The following TFEC variants were observed in gnomAD, a reference collection of about 807,000 sequenced individuals.
The protein encoded by TFEC is class E basic helix-loop-helix protein 34.
In TFEC, 31 loss-of-function variants were observed where a neutral mutation model predicts 41.6. The ratio of observed to expected loss-of-function variants is 0.74; its 90% CI spans 0.56 to 1.01. The LOEUF (loss-of-function observed/expected upper bound fraction) is 1.01. Among genes scored for constraint, TFEC ranks in the 50% least tolerant of loss-of-function variants. TFEC has a pLI of 0.00. For missense variants in TFEC, 402 were observed against 404.1 expected (o/e 0.99, Z 0.04); for synonymous variants, 143 against 140.6 (o/e 1.02, Z -0.12).
intron 3 of TFEC, among the ~76,000 whole-genome samples, chr7:116,070,643 C>T (rs1796805544): frequency 6.6e-6 from 1 of 151,362 alleles, no homozygotes; most frequent in Non-Finnish European, 1.5e-5. Flanking sequence ...GAAATGTTCT[C>T]TTTTAATATA....
chr7:116,011,199 A>G (rs1255840885), intron 1 of TFEC, among the ~76,000 whole-genome samples: 1 of 152,192 alleles, frequency 6.6e-6, no homozygotes, highest in Non-Finnish European at 1.5e-5. Flanking sequence ...GCACCATATT[A>G]CTTTTCTAAA....
chr7:116,088,217 TGGA>T (rs1797244142), intron 3 of TFEC, among the ~76,000 whole-genome samples: 1 of 152,132 alleles, frequency 6.6e-6, no homozygotes, highest in Non-Finnish European at 1.5e-5. Context: ...AAGAGTGGAT[TGGA>T]CAACCACCCA....
In TFEC at chr7:116,151,659, T is replaced by G. The variant is rs183617795; in HGVS notation, c.-69+8131A>C. On this transcript the variant is annotated intron_variant, in intron 1 of 8. Coordinates refer to the TFEC transcript ENST00000484212. ...ATGAGAACTTGTTACAATGGAATTTTTTTTTTCATTCAACAGGACAAATAT... is the reference window on the plus strand; with the variant it reads ...ATGAGAACTTGTTACAATGGAATTTGTTTTTTCATTCAACAGGACAAATAT... Among the ~76,000 whole-genome samples the G allele has an allele frequency of 1.4e-4, 22 of 152,274 alleles. No homozygotes were observed. The East Asian group carries it at 3.5e-3, about 24-fold the overall frequency.
chr7:116,154,007 G>A (rs966767966), intron 1 of TFEC, among the ~76,000 whole-genome samples: 6 of 152,214 alleles, frequency 3.9e-5, no homozygotes, highest in African/African-American at 1.4e-4. Flanking sequence ...GGGATTAGAT[G>A]AAATTGTAAG....
chr7:115,985,187 A>G (rs1167444529), intron 1 of TFEC, among the ~76,000 whole-genome samples: 1 of 152,140 alleles, frequency 6.6e-6, no homozygotes, highest in Admixed American at 6.5e-5. Context: ...TCAGAAAAAA[A>G]TCTAACGATT....
chr7:116,123,681 T>C (rs1798153948), intron 1 of TFEC, among the ~76,000 whole-genome samples: 1 of 152,072 alleles, frequency 6.6e-6, no homozygotes, highest in African/African-American at 2.4e-5. Flanking sequence ...CAAACACAAC[T>C]GCCCTTTTTA....
chr7:115,992,429 G>A (rs929451956), intron 1 of TFEC, among the ~76,000 whole-genome samples: 9 of 152,022 alleles, frequency 5.9e-5, no homozygotes, highest in East Asian at 1.9e-4. Context: ...CTGGTGTTTC[G>A]AAAAGATCAA....
intron 1 of TFEC, among the ~76,000 whole-genome samples, chr7:116,153,070 G>A (rs1798794550): frequency 6.6e-6 from 1 of 152,134 alleles, no homozygotes; most frequent in Non-Finnish European, 1.5e-5. Context: ...CTAAGTTATA[G>A]AGGAAGAAAG....
intron 1 of TFEC, among the ~76,000 whole-genome samples, chr7:116,141,922 G>T (rs1223240138): frequency 1.3e-5 from 2 of 152,196 alleles, no homozygotes; most frequent in Non-Finnish European, 2.9e-5. Context: ...AGGAGGGAAA[G>T]ATATTTGGTC....
chr7:116,006,180 G>A (rs12673999), intron 1 of TFEC, among the ~76,000 whole-genome samples: 15,391 of 152,208 alleles, frequency 0.1, 1,136 homozygotes, highest in East Asian at 0.38. Flanking sequence ...AGTCCCTACT[G>A]GACCACTGCT....
Position 116,082,269 on chromosome 7 carries a change from C to CA in TFEC, c.198+28438dup, listed in dbSNP as rs141823432. Reference sequence around the variant, plus strand: ...TTTAGCACTGAAAAGCAAATTCTCCCAGTGCCTGCCTCACTCCCAAATTCA... The same window carrying CA: ...TTTAGCACTGAAAAGCAAATTCTCCCAAGTGCCTGCCTCACTCCCAAATTCA... On this transcript the variant is annotated intron_variant, in intron 3 of 8. Coordinates refer to the TFEC transcript ENST00000484212. Among the ~76,000 whole-genome samples the CA allele has an allele frequency of 9.9e-3, 1,507 of 152,038 alleles. 32 individuals are homozygous for CA. The highest frequency in any genetic ancestry group is 0.035 in the African/African-American group (1,444 of 41,512).
chr7:116,041,162 C>T (rs1796028859), intron 3 of TFEC, among the ~76,000 whole-genome samples: 1 of 152,050 alleles, frequency 6.6e-6, no homozygotes, highest in South Asian at 2.1e-4. Context: ...ATACTAATTA[C>T]ACTGGGTGTA....
rs144629833 is a variant in TFEC at position 116,045,993 on chromosome 7, T to G, written c.199-61480A>C. On this transcript the variant is annotated intron_variant, in intron 3 of 8. Coordinates refer to the TFEC transcript ENST00000484212. ...GATGGGCCCTGTAACCCCTTTGTTT[T>G]GGCCAATTTCTCCCATTTGGAATGG... 8.5e-5 allele frequency among the ~76,000 whole-genome samples: 13 copies of G among 152,362 alleles called. No individual in the cohort carries two copies. The East Asian group carries it at 2.1e-3, about 25-fold the overall frequency.
At chr7:115,999,844 C>CAAAAAAAAAA (rs71137145) in intron 1 of TFEC, among the ~76,000 whole-genome samples, 1 of 131,216 alleles carries the variant, frequency 7.6e-6, no homozygotes. Context: ...AGTCTCCTAG[C>CAAAAAAAAAA]AAAAAAAAAA....
chr7:116,137,573 T>C (rs1407333532), intron 1 of TFEC, among the ~76,000 whole-genome samples: 1 of 152,132 alleles, frequency 6.6e-6, no homozygotes, highest in Non-Finnish European at 1.5e-5. Context: ...TACAAGTTAT[T>C]AAGATGATTA....
chr7:115,973,076 A>G (rs1793207734), intron 3 of TFEC, among the ~76,000 whole-genome samples: 1 of 151,136 alleles, frequency 6.6e-6, no homozygotes, highest in Non-Finnish European at 1.5e-5. Flanking sequence ...TCATCATTCT[A>G]TATTTAAAAA....
intron 2 of TFEC, chr7:116,111,033 G>A (rs1345269937): frequency 3.9e-6 from 2 of 514,370 alleles, no homozygotes; most frequent in African/African-American, 4.0e-5. Context: ...TGATAAGGGA[G>A]GTATTTGAAA....
chr7:116,082,136 C>T (rs750066335), intron 3 of TFEC, among the ~76,000 whole-genome samples: 7 of 151,934 alleles, frequency 4.6e-5, no homozygotes, highest in African/African-American at 7.3e-5. Context: ...CCTATTACAA[C>T]GCTTCTTATA....
At chr7:115,999,955 C>G (rs956088293) in intron 1 of TFEC, among the ~76,000 whole-genome samples, 1 of 151,656 alleles carries the variant, frequency 6.6e-6, no homozygotes, top group African/African-American at 2.4e-5. Context: ...GGGAAAACTT[C>G]TAAACCCATT....
Sources: allele counts gnomAD v4.1 joint callset (sites outside exome capture counted in the v4.1 genomes callset), GRCh38; gene constraint gnomAD v4.1.1; transcripts MANE v1.5; gene names NCBI Gene and HGNC (gene_info 2026-07-23, HGNC 2026-07-21).